The following HDAC4 variants were observed in gnomAD, a reference collection of about 807,000 sequenced individuals.
HDAC4 encodes the protein histone deacetylase A.
Under a neutral mutation model 135.1 loss-of-function variants are expected in HDAC4, and 16 were observed. The ratio of observed to expected loss-of-function variants is 0.12; its 90% CI spans 0.08 to 0.18. The LOEUF (loss-of-function observed/expected upper bound fraction) is 0.18. Among genes scored for constraint, HDAC4 ranks in the 10% least tolerant of loss-of-function variants. The pLI, the probability that HDAC4 is intolerant of heterozygous loss-of-function variation, is 1.00. For missense variants in HDAC4, 1,143 were observed against 1,511.8 expected, an observed-to-expected ratio of 0.76 and a Z score of 4.05; for synonymous variants, 685 against 653.4, an observed-to-expected ratio of 1.05 and a Z score of -0.74.
chr2:239,317,103 T>C (rs1288861000), intron 2 of HDAC4, among the ~76,000 whole-genome samples: 1 of 152,172 alleles, frequency 6.6e-6, no homozygotes, highest in Non-Finnish European at 1.5e-5. Flanking sequence ...TGCTGGACTC[T>C]AGTTGGGGGT....
chr2:239,395,516 T>C (rs1187449376), intron 1 of HDAC4, among the ~76,000 whole-genome samples: 1 of 152,206 alleles, frequency 6.6e-6, no homozygotes, highest in Non-Finnish European at 1.5e-5. Flanking sequence ...TTCTTTCCAA[T>C]GAAGATATCT....
intron 1 of HDAC4, among the ~76,000 whole-genome samples, chr2:239,373,952 C>T (rs1469933719): frequency 9.2e-5 from 14 of 152,126 alleles, no homozygotes; most frequent in Admixed American, 9.2e-4. Context: ...TGTATCTTCC[C>T]CTCATACTTA....
intron 14 of HDAC4, among the ~76,000 whole-genome samples, chr2:239,110,107 T>C (rs889007794): frequency 3.9e-5 from 6 of 152,202 alleles, no homozygotes; most frequent in Non-Finnish European, 7.3e-5. Context: ...GTCCCGTCTC[T>C]GTGAAACAAA....
In HDAC4 at chr2:239,156,262, C is replaced by T. The variant is rs148095720; in HGVS notation, c.733+390G>A. ...TGCTGCTGGCACTGCCCAGCGCCAT[C>T]CCTGAAGGCCACAGGCTCACCTGCT... On this transcript the variant is annotated intron_variant, in intron 7 of 26. Transcript: ENST00000543185. Among the ~76,000 whole-genome samples, 466 of 152,346 alleles carry T rather than the reference C, an allele frequency of 3.1e-3. 2 individuals are homozygous for T. The highest frequency in any genetic ancestry group is 0.011 in the African/African-American group (454 of 41,570).
chr2:239,195,547 G>C (rs533284043), intron 3 of HDAC4, among the ~76,000 whole-genome samples: 1 of 152,344 alleles, frequency 6.6e-6, no homozygotes, highest in African/African-American at 2.4e-5. Flanking sequence ...GCCTACGGCT[G>C]TGTCAGACGT....
chr2:239,327,071 A>G (rs2125796688), intron 2 of HDAC4, among the ~76,000 whole-genome samples: 1 of 152,312 alleles, frequency 6.6e-6, no homozygotes, highest in South Asian at 2.1e-4. Flanking sequence ...AGGATGATTC[A>G]CCAACTGCCT....
intron 1 of HDAC4, among the ~76,000 whole-genome samples, chr2:239,397,619 G>C (rs989764076): frequency 5.9e-5 from 9 of 152,118 alleles, no homozygotes. Flanking sequence ...TGCAGCAAGG[G>C]GACATGGCCA....
chr2:239,111,650 C>T lies in HDAC4; in HGVS notation c.1854G>A (p.Glu618=). 1 of 1,606,942 alleles carries T rather than the reference C, an allele frequency of 6.2e-7. No individual in the cohort carries two copies. Among genetic ancestry groups the T allele is most frequent in the Non-Finnish European group, 8.5e-7 (1 of 1,177,436 alleles). The change falls in exon 14 of 27, where the codon GAG becomes GAA. Residue 618 remains glutamate (E), a synonymous_variant. Transcript: ENST00000543185. ...HQLRNYQASM[E]AAGIPVSFGG... is the part of the protein sequence containing the mutation. ...CGAAGGACACGGGGATGCCGGCGGC[C>T]TCCATGGACGCCTGGTAGTTCCTCA...
intron 14 of HDAC4, 114 bp from the exon 15 acceptor site, chr2:239,108,297 A>G (rs2038344384): frequency 1.5e-6 from 2 of 1,293,408 alleles, no homozygotes; most frequent in Non-Finnish European, 2.2e-6. Context: ...AAGGAGACGG[A>G]AGCTGGGACG....
rs116441609 is a variant in HDAC4 at position 239,293,664 on chromosome 2, G to A, written c.23-57000C>T. 9.5e-4 allele frequency among the ~76,000 whole-genome samples: 144 copies of A among 152,138 alleles called. 2 individuals are homozygous for A. The highest frequency in any genetic ancestry group is 3.3e-3 in the African/African-American group (139 of 41,568). On this transcript the variant is annotated intron_variant, in intron 2 of 26. Transcript: ENST00000543185. ...CCTCCAGGCTTCCTGCAGTGGCTAC[G>A]CACAGGGCATCTCTGGGCTCTCTCC...
chr2:239,175,261 A>G (rs1191108935), intron 5 of HDAC4, among the ~76,000 whole-genome samples: 1 of 152,258 alleles, frequency 6.6e-6, no homozygotes, highest in Non-Finnish European at 1.5e-5. Flanking sequence ...ACACACAGTG[A>G]GCCAAGGGCT....
chr2:239,084,890 C>A (rs978187856), intron 19 of HDAC4, among the ~76,000 whole-genome samples: 3 of 151,184 alleles, frequency 2.0e-5, no homozygotes, highest in Admixed American at 6.6e-5. Flanking sequence ...CCACCCCCCC[C>A]ACGTAGACAC....
In HDAC4 at chr2:239,139,895, C is replaced by T. The variant is rs1449284401; in HGVS notation, c.866-99G>A. ...GCCCGGTGCCTTCCACGGACCTGCT[C>T]GTTAGCTTGCGACAGGCAGAAGTCC... On this transcript the variant is annotated intron_variant, in intron 8 of 26. Coordinates refer to ENST00000543185, the MANE Select transcript of HDAC4 (RefSeq NM_001378414.1). The surrounding 1 kb of genome is among the most constrained non-coding windows in gnomAD (Gnocchi z 5.3). The T allele has an allele frequency of 8.1e-6, 7 of 868,506 alleles. No homozygotes were observed. The highest frequency in any genetic ancestry group is 5.0e-5 in the African/African-American group (3 of 60,558). The allele number at this position is 868,506 out of a possible 1,614,324, so 53.8% of individuals were successfully genotyped here.
chr2:239,099,136 G>A (rs2037384864), intron 16 of HDAC4, among the ~76,000 whole-genome samples: 1 of 152,228 alleles, frequency 6.6e-6, no homozygotes, highest in Non-Finnish European at 1.5e-5. Context: ...ACCTAAGCAA[G>A]GTGGTGGAGC....
chr2:239,118,500 C>T (rs560701924), intron 12 of HDAC4, among the ~76,000 whole-genome samples: 2 of 152,152 alleles, frequency 1.3e-5, no homozygotes, highest in South Asian at 2.1e-4. Flanking sequence ...GGCCGCGCGT[C>T]GGGAACAGGA....
intron 1 of HDAC4, among the ~76,000 whole-genome samples, chr2:239,368,486 T>C (rs981832070): frequency 2.6e-5 from 4 of 152,178 alleles, no homozygotes; most frequent in East Asian, 3.9e-4. Context: ...AAACTCAAGA[T>C]TGACAGGGTG....
rs867587927 is a variant in HDAC4, at chr2:239,183,079, A to C, written c.340-6516T>G. Among the ~76,000 whole-genome samples the C allele has an allele frequency of 2.6e-5, 4 of 152,332 alleles. No homozygotes were observed. The Middle Eastern group carries it at 0.014, about 518-fold the overall frequency. On this transcript the variant is annotated intron_variant, in intron 4 of 26. Coordinates refer to ENST00000543185, the MANE Select transcript of HDAC4 (RefSeq NM_001378414.1). ...TGGGAAGCAATTTTTTGCAGACTGA[A>C]ACTATAATGAGCAATTTAAAATAAG...
In HDAC4 at chr2:239,234,679, T is replaced by A. The variant is rs117774160; in HGVS notation, c.94+1914A>T. On this transcript the variant is annotated intron_variant, in intron 3 of 26. Coordinates refer to ENST00000543185, the MANE Select transcript of HDAC4 (RefSeq NM_001378414.1). ...GAGCTATTCAGCAACTCGCCTAAGC[T>A]CCCACGCAAACAGGCAGCAGAGGCG... is the stretch of plus-strand genomic sequence containing the variant. Among the ~76,000 whole-genome samples the A allele has an allele frequency of 6.5e-3, 982 of 152,240 alleles. 20 individuals carry two copies. The East Asian group carries it at 0.073, about 11-fold the overall frequency.
intron 12 of HDAC4, among the ~76,000 whole-genome samples, chr2:239,123,304 C>T (rs909085691): frequency 6.6e-6 from 1 of 152,238 alleles, no homozygotes; most frequent in Non-Finnish European, 1.5e-5. Flanking sequence ...CTGTGCCCTT[C>T]CCGTCCCAAT....
Sources: gnomAD v4.1 joint callset for allele counts (sites outside exome capture counted in the v4.1 genomes callset) on GRCh38, gnomAD v4.1.1 for gene constraint, Gnocchi (gnomAD v3.1) non-coding constraint, MANE v1.5 for transcripts, NCBI Gene and HGNC (gene_info 2026-07-23, HGNC 2026-07-21) for gene names.